NCKAP5: variants seen among roughly 807,000 people sequenced by gnomAD.
NCKAP5 encodes the protein NCK associated protein 5.
NCKAP5 carries 92 observed loss-of-function variants against 167.0 expected under a neutral mutation model. The ratio of observed to expected loss-of-function variants is 0.55; its 90% CI spans 0.47 to 0.66. NCKAP5 has a LOEUF of 0.66. Ranked by LOEUF, NCKAP5 falls within the 30% of genes least tolerant of loss-of-function variation. NCKAP5 has a pLI of 0.00. For synonymous variants in NCKAP5, 891 were observed against 877.4 expected, an observed-to-expected ratio of 1.02 and a Z score of -0.27; for missense variants, 2,378 against 2,315.0, an observed-to-expected ratio of 1.03 and a Z score of -0.56.
chr2:133,188,001 T>C (rs1031732411), intron 5 of NCKAP5, among the ~76,000 whole-genome samples: 1 of 152,118 alleles, frequency 6.6e-6, no homozygotes, highest in Non-Finnish European at 1.5e-5. Flanking sequence ...TATGTGTGAA[T>C]TTGATCCTGT....
At position 132,725,639 on chromosome 2, in the gene NCKAP5, T is replaced by A; in HGVS notation, c.5701A>T (p.Ser1901Cys). The change falls in exon 19 of 20, where the codon AGC becomes TGC. Residue 1901 changes from serine to cysteine, a missense_variant. This residue lies in a region of NCKAP5 where 1,325 missense variants were observed against 1,274.5 expected (regional missense o/e 1.04). Transcript: ENST00000409261. The stretch of plus-strand genomic sequence containing the variant: ...CGCTGGTTGTTACCTGGGGCAGCGC[T>A]CTTCAGTGCTTTCACTAACTGTCCC... ...GRGQLVKALKSAAPEIETT is the reference protein window; with the variant it reads ...GRGQLVKALKCAAPEIETT 2 of 1,610,524 alleles carry A rather than the reference T, an allele frequency of 1.2e-6. No individual in the cohort carries two copies. The highest frequency in any genetic ancestry group is 2.2e-5 in the South Asian group (2 of 90,040).
At chr2:133,133,729 A>C (rs1199384234) in intron 5 of NCKAP5, among the ~76,000 whole-genome samples, 3 of 152,244 alleles carry the variant, frequency 2.0e-5, no homozygotes, top group Admixed American at 6.5e-5. Flanking sequence ...AATATTTTAC[A>C]TTTTACAAAA....
rs190694848 is a variant in NCKAP5, at chr2:133,364,488, C to G, written c.70-61378G>C. On this transcript the variant is annotated intron_variant, in intron 3 of 19. Transcript: ENST00000409261. ...ATATTAATATATTAAATAAAAATGA[C>G]ACAATGGTGAGAACCATTTAGTTGT... Among the ~76,000 whole-genome samples, 86 of 152,272 alleles carry G rather than the reference C, an allele frequency of 5.6e-4. 1 individual carries two copies. Among genetic ancestry groups the G allele is most frequent in the Non-Finnish European group, 5.9e-5 (4 of 68,016 alleles).
intron 11 of NCKAP5, among the ~76,000 whole-genome samples, chr2:132,812,955 T>G (rs138855233): frequency 2.6e-5 from 4 of 152,324 alleles, no homozygotes; most frequent in African/African-American, 7.2e-5. Flanking sequence ...AGAGCTCTCA[T>G]GCTCGTGATC....
intron 19 of NCKAP5, among the ~76,000 whole-genome samples, 169 bp downstream of exon 19, chr2:132,725,458 T>G (rs1451687033): frequency 6.6e-6 from 1 of 152,142 alleles, no homozygotes; most frequent in East Asian, 1.9e-4. Context: ...AGAAAACAAA[T>G]GGATGTGCAT....
At chr2:132,843,568 C>CT (rs5834335) in intron 11 of NCKAP5, among the ~76,000 whole-genome samples, 96,049 of 151,240 alleles carry the variant, frequency 0.64, 31,602 homozygotes, top group East Asian at 0.89. Flanking sequence ...TCATTTTTCC[C>CT]TTTTTTGTCA....
intron 6 of NCKAP5, chr2:133,123,525 A>G (rs1333621271): frequency 8.9e-6 from 2 of 223,696 alleles, no homozygotes; most frequent in African/African-American, 4.5e-5. Flanking sequence ...GTAGATTCAC[A>G]CAGAGCAGCA....
At chr2:133,376,010 G>A (rs1559429127) in intron 3 of NCKAP5, among the ~76,000 whole-genome samples, 4 of 152,160 alleles carry the variant, frequency 2.6e-5, no homozygotes, top group Non-Finnish European at 5.9e-5. Flanking sequence ...AGCTCCTGCA[G>A]GACCAAATGC....
chr2:132,887,798 C>T (rs1692372890), intron 8 of NCKAP5, among the ~76,000 whole-genome samples: 1 of 152,140 alleles, frequency 6.6e-6, no homozygotes, highest in Non-Finnish European at 1.5e-5. Flanking sequence ...AGGCATGTGC[C>T]AACATACTCC....
rs1693170575 is a variant in NCKAP5, at chr2:132,895,983, A to G, written c.580-17067T>C. Among the ~76,000 whole-genome samples, 5 of 152,116 alleles carry G rather than the reference A, an allele frequency of 3.3e-5. 1 individual carries two copies. On this transcript the variant is annotated intron_variant, in intron 8 of 19. Coordinates refer to ENST00000409261, the MANE Select transcript of NCKAP5 (RefSeq NM_207363.3). ...AACTCCGTCTCTACTAAAAGTACAA[A>G]AATTAGCTGGGCGTGGTGGGAAGCA...
chr2:132,872,875 A>G (rs1479226841), intron 9 of NCKAP5, among the ~76,000 whole-genome samples: 1 of 152,174 alleles, frequency 6.6e-6, no homozygotes, highest in Non-Finnish European at 1.5e-5. Context: ...AACCTCATAC[A>G]CTGACATGCG....
At chr2:133,378,978 G>A (rs901635624) in intron 3 of NCKAP5, among the ~76,000 whole-genome samples, 1 of 152,152 alleles carries the variant, frequency 6.6e-6, no homozygotes, top group Non-Finnish European at 1.5e-5. Flanking sequence ...TAGTAATAAA[G>A]TAACTTATGC....
rs145248538 is a variant in NCKAP5 at position 132,943,921 on chromosome 2, C to T, written c.579+19799G>A. 4.5e-4 allele frequency among the ~76,000 whole-genome samples: 68 copies of T among 152,264 alleles called. 1 individual carries two copies. The East Asian group carries it at 6.2e-3, about 14-fold the overall frequency. ...CTCCTGGGGCTGGGTGAAGTGTGACCGCACACTTGGTCTGCTTTAAGAGTT... is the reference window on the plus strand; with the variant it reads ...CTCCTGGGGCTGGGTGAAGTGTGACTGCACACTTGGTCTGCTTTAAGAGTT... On this transcript the variant is annotated intron_variant, in intron 8 of 19. Coordinates refer to ENST00000409261, the MANE Select transcript of NCKAP5 (RefSeq NM_207363.3).
intron 19 of NCKAP5, among the ~76,000 whole-genome samples, chr2:132,686,525 C>G (rs539601945): frequency 5.7e-4 from 87 of 152,256 alleles, no homozygotes; most frequent in African/African-American, 1.9e-3. Flanking sequence ...GGGACTGAAC[C>G]TATTTATCTT....
chr2:132,726,888 A>T (rs1016161831), intron 18 of NCKAP5, among the ~76,000 whole-genome samples: 2 of 152,198 alleles, frequency 1.3e-5, no homozygotes, highest in Non-Finnish European at 2.9e-5. Flanking sequence ...AGACAAGTCT[A>T]CTGACTGTAG....
intron 4 of NCKAP5, among the ~76,000 whole-genome samples, chr2:133,241,977 G>C (rs947295819): frequency 2.0e-5 from 3 of 151,910 alleles, no homozygotes; most frequent in Non-Finnish European, 4.4e-5. Context: ...AATTAGCTGG[G>C]CATGGTGGCG....
chr2:133,012,528 G>T (rs533480295), intron 6 of NCKAP5, among the ~76,000 whole-genome samples: 1 of 151,998 alleles, frequency 6.6e-6, no homozygotes, highest in African/African-American at 2.4e-5. Context: ...GATTACAGGC[G>T]TGTCAGAGTG....
At chr2:132,886,446 C>T (rs56662256) in intron 8 of NCKAP5, among the ~76,000 whole-genome samples, 1,812 of 152,278 alleles carry the variant, frequency 0.012, 46 homozygotes, top group African/African-American at 0.041. Context: ...AACATTGATG[C>T]AATAGCCTAA....
intron 11 of NCKAP5, among the ~76,000 whole-genome samples, chr2:132,846,839 A>C (rs1290064747): frequency 6.6e-6 from 1 of 152,222 alleles, no homozygotes; most frequent in African/African-American, 2.4e-5. Flanking sequence ...AGAGTCTCTA[A>C]CATGTAAGCA....
Sources: allele counts gnomAD v4.1 joint callset (sites outside exome capture counted in the v4.1 genomes callset), GRCh38; gene constraint gnomAD v4.1.1; regional missense constraint gnomAD v4.1.1; transcripts MANE v1.5; gene names NCBI Gene and HGNC (gene_info 2026-07-23, HGNC 2026-07-21).